The following OR4K1 variants were observed in gnomAD, a reference collection of about 807,000 sequenced individuals.
The protein encoded by OR4K1 is olfactory receptor 4K1.
A neutral mutation model predicts 14.4 loss-of-function variants in OR4K1; 16 were observed. The ratio of observed to expected loss-of-function variants is 1.11; its 90% CI spans 0.75 to 1.68. The LOEUF is 1.68. Ranked by LOEUF, OR4K1 falls within the 40% of genes most tolerant of loss-of-function variation. The pLI is 0.00. For missense variants in OR4K1, 548 were observed against 376.9 expected, an observed-to-expected ratio of 1.45 and a Z score of -3.76; for synonymous variants, 181 against 133.1, an observed-to-expected ratio of 1.36 and a Z score of -2.48.
intron 1 of OR4K1, among the ~76,000 whole-genome samples, chr14:19,933,231 A>AT (rs34926616): frequency 3.6e-4 from 54 of 150,730 alleles, no homozygotes; most frequent in East Asian, 1.4e-3. Context: ...TGTGTAAAGG[A>AT]TTTTTTTTTT....
chr14:19,921,154 G>T, the OR4K1 span: 2 of 1,614,094 alleles, frequency 1.2e-6, no homozygotes, highest in Non-Finnish European at 8.5e-7. Context: ...GATCTTCCTC[G>T]AGTCACCAAA....
At chr14:19,921,210 A>T in the OR4K1 span, 1 of 1,614,152 alleles carries the variant, frequency 6.2e-7, no homozygotes, top group Non-Finnish European at 8.5e-7. Context: ...AATTGTGGTC[A>T]ATAGTGGAAT....
rs982996286 is a variant in OR4K1 at position 19,933,241 on chromosome 14, T to G, written c.-20+2096T>G. On this transcript the variant is annotated intron_variant, in intron 1 of 1. Coordinates refer to ENST00000641172, the MANE Select transcript of OR4K1 (RefSeq NM_001004063.3). Reference sequence around the variant, plus strand: ...TGCTCTGTGTAAAGGATTTTTTTTTTGCTTAATAACCTATGAAAATAAATA... The same window carrying G: ...TGCTCTGTGTAAAGGATTTTTTTTTGGCTTAATAACCTATGAAAATAAATA... 1.9e-4 allele frequency among the ~76,000 whole-genome samples: 28 copies of G among 150,478 alleles called. No individual in the cohort carries two copies. In the East Asian group the frequency reaches 5.5e-3, roughly 29 times the overall value.
At chr14:19,934,450 A>G (rs992367579) in intron 1 of OR4K1, among the ~76,000 whole-genome samples, 5 of 152,280 alleles carry the variant, frequency 3.3e-5, no homozygotes, top group African/African-American at 1.2e-4. Flanking sequence ...AAGATAAAAC[A>G]CAGTCAGAAG....
upstream of OR4K1, among the ~76,000 whole-genome samples, chr14:19,926,664 T>C (rs1436136943): frequency 1.3e-5 from 2 of 152,256 alleles, no homozygotes; most frequent in African/African-American, 2.4e-5. Flanking sequence ...AATACTACTT[T>C]AGATCAATTT....
At position 19,933,558 on chromosome 14, in the gene OR4K1, G is replaced by A. The variant is rs183554476; in HGVS notation, c.-19-2090G>A. 8.5e-5 allele frequency among the ~76,000 whole-genome samples: 13 copies of A among 152,212 alleles called. No individual in the cohort carries two copies. In the South Asian group the frequency reaches 1.7e-3, roughly 19 times the overall value. On this transcript the variant is annotated intron_variant, in intron 1 of 1. Transcript: ENST00000641172. ...TTGTAGTTAGGTCAGTTCATGCCTCGTTGATCTGTTTACATTCTTGAGTAA... is the reference window on the plus strand; with the variant it reads ...TTGTAGTTAGGTCAGTTCATGCCTCATTGATCTGTTTACATTCTTGAGTAA...
At chr14:19,924,400 CAAAAAAAAAAAAAAA>C in the OR4K1 span, among the ~76,000 whole-genome samples, 7 of 79,252 alleles carry the variant, frequency 8.8e-5, no homozygotes, top group Non-Finnish European at 1.6e-4. Flanking sequence ...AACTCCGTAT[CAAAAAAAAAAAAAAA>C]AAAAAAAAAA....
At chr14:19,930,750 A>C (rs993214389), upstream of OR4K1, among the ~76,000 whole-genome samples, 13 of 152,200 alleles carry the variant, frequency 8.5e-5, no homozygotes, top group African/African-American at 2.7e-4. Context: ...TTTCTTTTCC[A>C]TTTCTGGAAA....
intron 1 of OR4K1, among the ~76,000 whole-genome samples, chr14:19,931,608 TA>T (rs532214325): frequency 3.3e-5 from 5 of 152,358 alleles, no homozygotes; most frequent in African/African-American, 9.6e-5. Context: ...TACATTAAAA[TA>T]AAAACAAGAA....
chr14:19,924,400 CAAAAAAAAAA>C, the OR4K1 span, among the ~76,000 whole-genome samples: 188 of 79,272 alleles, frequency 2.4e-3, no homozygotes, highest in African/African-American at 9.0e-3. Flanking sequence ...AACTCCGTAT[CAAAAAAAAAA>C]AAAAAAAAAA....
chr14:19,931,223 C>T (rs1171216148), intron 1 of OR4K1, 78 bp downstream of exon 1: 1 of 152,254 alleles, frequency 6.6e-6, no homozygotes. Flanking sequence ...GATGCAAAAA[C>T]AGCAACTAGA....
intron 1 of OR4K1, 157 bp downstream of exon 1, chr14:19,931,302 T>C (rs532943257): frequency 6.6e-6 from 1 of 152,296 alleles, no homozygotes; most frequent in African/African-American, 2.4e-5. Flanking sequence ...AGAATATTCC[T>C]GTTCTCCACT....
chr14:19,930,699 A>G (rs1049941299), upstream of OR4K1, among the ~76,000 whole-genome samples: 2 of 152,222 alleles, frequency 1.3e-5, no homozygotes, highest in South Asian at 2.1e-4. Context: ...TTTTGCTTTC[A>G]TATGTATACA....
At chr14:19,924,283 C>A in the OR4K1 span, among the ~76,000 whole-genome samples, 1 of 151,608 alleles carries the variant, frequency 6.6e-6, no homozygotes. Context: ...GCCTATAGTC[C>A]CAGCTACTCG....
upstream of OR4K1, among the ~76,000 whole-genome samples, chr14:19,929,929 A>C (rs1614301): frequency 0.31 from 46,589 of 148,990 alleles, 4,949 homozygotes; most frequent in South Asian, 0.44. Flanking sequence ...TGTAGTCTGG[A>C]TATTTTAAAA....
the OR4K1 span, among the ~76,000 whole-genome samples, chr14:19,922,671 T>C: frequency 3.3e-5 from 5 of 150,790 alleles, no homozygotes; most frequent in Non-Finnish European, 5.9e-5. Context: ...TTTTTTACTA[T>C]TGCTTTATAG....
intron 1 of OR4K1, among the ~76,000 whole-genome samples, chr14:19,933,128 C>A (rs528353441): frequency 6.6e-6 from 1 of 151,574 alleles, no homozygotes; most frequent in Non-Finnish European, 1.5e-5. Context: ...AGTTTTTTTA[C>A]TGTAATTATA....
intron 1 of OR4K1, among the ~76,000 whole-genome samples, chr14:19,933,770 A>G (rs562450787): frequency 1.3e-5 from 2 of 152,184 alleles, no homozygotes; most frequent in Non-Finnish European, 2.9e-5. Flanking sequence ...TATTTTTAGT[A>G]GAGACGGGGT....
chr14:19,921,229 T>A, the OR4K1 span: 50 of 1,614,086 alleles, frequency 3.1e-5, no homozygotes, highest in Admixed American at 1.7e-4. Context: ...ATTCTTTCCC[T>A]AAGCACTTTC....
Sources: gnomAD v4.1 joint callset for allele counts (sites outside exome capture counted in the v4.1 genomes callset) on GRCh38, gnomAD v4.1.1 for gene constraint, MANE v1.5 for transcripts, NCBI Gene and HGNC (gene_info 2026-07-23, HGNC 2026-07-21) for gene names.